FAM168B: variants seen among roughly 807,000 people sequenced by gnomAD.
The protein encoded by FAM168B is myelin-associated neurite-outgrowth inhibitor.
FAM168B carries 19 observed loss-of-function variants against 21.8 expected under a neutral mutation model. The observed-to-expected ratio is 0.87, with a 90% CI of 0.61 to 1.28. The LOEUF (loss-of-function observed/expected upper bound fraction) is 1.28, where lower values mean the gene tolerates loss of function less well. Ranked by LOEUF, FAM168B falls within the 50% of genes most tolerant of loss-of-function variation. The pLI is 0.00. For synonymous variants in FAM168B, 126 were observed against 104.8 expected (o/e 1.20, Z -1.24); for missense variants, 233 against 263.1 (o/e 0.89, Z 0.79).
rs1691420441 is a variant in FAM168B at position 131,048,347 on chromosome 2, T to A, written c.*4118A>T. The stretch of plus-strand genomic sequence containing the variant: ...CACAGGGACTCATGGGCACAGCCTG[T>A]GGTGAGGAGGAGACACCTGTCATGC... On this transcript the variant is annotated 3_prime_UTR_variant, in exon 7 of 7. Coordinates refer to ENST00000389915, the MANE Select transcript of FAM168B (RefSeq NM_001009993.4). 3 of 1,301,086 alleles carry A rather than the reference T, an allele frequency of 2.3e-6. No homozygotes were observed. In the African/African-American group the frequency reaches 4.6e-5, roughly 20 times the overall value. The allele number at this position is 1,301,086 out of a possible 1,614,324, so 80.6% of individuals were successfully genotyped here.
rs1170546532 is a variant in FAM168B at position 131,081,652 on chromosome 2, G to A, written c.70+925C>T. Among the ~76,000 whole-genome samples the A allele has an allele frequency of 2.6e-5, 4 of 152,140 alleles. No individual in the cohort carries two copies. In the South Asian group the frequency reaches 8.3e-4, roughly 31 times the overall value. On this transcript the variant is annotated intron_variant, in intron 2 of 6. Transcript: ENST00000389915. ...TATCACCCTCCAGAGGGACGAGAAT[G>A]ACTGATAAGAAGTCTCACTCTCATT...
At chr2:131,088,131 A>G (rs2105596345) in intron 1 of FAM168B, among the ~76,000 whole-genome samples, 1 of 152,292 alleles carries the variant, frequency 6.6e-6, no homozygotes, top group East Asian at 1.9e-4. Flanking sequence ...CTGTAATCCC[A>G]GCTACTCGGG....
intron 3 of FAM168B, among the ~76,000 whole-genome samples, chr2:131,064,661 T>A (rs1446720820): frequency 6.6e-6 from 1 of 152,050 alleles, no homozygotes; most frequent in Non-Finnish European, 1.5e-5. Flanking sequence ...AGGTGGTTAC[T>A]GAAGAAAATC....
At chr2:131,055,510 T>G in intron 4 of FAM168B, 43 bp downstream of exon 4, 1 of 1,596,894 alleles carries the variant, frequency 6.3e-7, no homozygotes, top group Non-Finnish European at 8.5e-7. Context: ...AACGCCCAGG[T>G]GGTATCACCC....
intron 5 of FAM168B, among the ~76,000 whole-genome samples, chr2:131,054,921 T>G (rs559299989): frequency 1.1e-4 from 17 of 152,094 alleles, no homozygotes; most frequent in African/African-American, 3.9e-4. Flanking sequence ...CAAGCTCCCC[T>G]CAAGGGAAAG....
At position 131,055,257 on chromosome 2, in the gene FAM168B, G is replaced by A; in HGVS notation, c.475+15C>T. 1 of 1,533,230 alleles carries A rather than the reference G, an allele frequency of 6.5e-7. No individual in the cohort carries two copies. Among genetic ancestry groups the A allele is most frequent in the East Asian group, 2.3e-5 (1 of 42,586 alleles). The allele number at this position is 1,533,230 out of a possible 1,614,324, so 95.0% of individuals were successfully genotyped here. ...GGTACACCATAGGACAGACACCGCAGGAACGAGGACTTACCTGCTGACATG... is the reference window on the plus strand; with the variant it reads ...GGTACACCATAGGACAGACACCGCAAGAACGAGGACTTACCTGCTGACATG... On this transcript the variant is annotated intron_variant, in intron 5 of 6. Coordinates refer to ENST00000389915, the MANE Select transcript of FAM168B (RefSeq NM_001009993.4).
At chr2:131,091,479 C>T (rs1282940902) in intron 1 of FAM168B, among the ~76,000 whole-genome samples, 2 of 151,400 alleles carry the variant, frequency 1.3e-5, no homozygotes, top group Admixed American at 6.6e-5. Flanking sequence ...AACCCCGTCT[C>T]TACTAAAAAT....
chr2:131,060,311 A>T (rs1189505940), intron 3 of FAM168B, among the ~76,000 whole-genome samples: 2 of 152,076 alleles, frequency 1.3e-5, no homozygotes, highest in East Asian at 3.9e-4. Flanking sequence ...AGCGTGAGCC[A>T]CCGCGCCCGG....
At chr2:131,082,942 C>G (rs546229732) in intron 1 of FAM168B, among the ~76,000 whole-genome samples, 1 of 152,246 alleles carries the variant, frequency 6.6e-6, no homozygotes, top group South Asian at 2.1e-4. Flanking sequence ...GGGGAAAGGC[C>G]AGGTACGGTG....
rs1213602298 is a variant in FAM168B, at chr2:131,049,749, C to A, written c.*2716G>T. On this transcript the variant is annotated 3_prime_UTR_variant, in exon 7 of 7. Coordinates refer to ENST00000389915, the MANE Select transcript of FAM168B (RefSeq NM_001009993.4). ...GAATAGTAATTCAGCTGAAGGACTCCCAAATTAGGAATGTCAAACACACAA... is the reference window on the plus strand; with the variant it reads ...GAATAGTAATTCAGCTGAAGGACTCACAAATTAGGAATGTCAAACACACAA... 3.0e-6 allele frequency: 3 copies of A among 985,698 alleles called. No individual in the cohort carries two copies. Among genetic ancestry groups the A allele is most frequent in the African/African-American group, 3.5e-5 (2 of 57,218 alleles). The allele number at this position is 985,698 out of a possible 1,614,324, so 61.1% of individuals were successfully genotyped here.
chr2:131,074,916 C>T (rs1451531904), intron 2 of FAM168B, among the ~76,000 whole-genome samples: 8 of 152,180 alleles, frequency 5.3e-5, no homozygotes, highest in African/African-American at 1.9e-4. Flanking sequence ...GCCCTAGCCC[C>T]AGAATCCCTC....
Position 131,049,249 on chromosome 2 carries a change from G to C in FAM168B, c.*3216C>G. ...CACAGCCAGATGATGCCACCAGAAAGAGCAAGGTACTGTATGCCCAGCTGG... is the reference window on the plus strand; with the variant it reads ...CACAGCCAGATGATGCCACCAGAAACAGCAAGGTACTGTATGCCCAGCTGG... On this transcript the variant is annotated 3_prime_UTR_variant, in exon 7 of 7. Coordinates refer to ENST00000389915, the MANE Select transcript of FAM168B (RefSeq NM_001009993.4). 1 of 985,420 alleles carries C rather than the reference G, an allele frequency of 1.0e-6. No individual in the cohort carries two copies. The highest frequency in any genetic ancestry group is 1.2e-6 in the Non-Finnish European group (1 of 829,978). 61.0% of individuals were successfully genotyped at this position (985,420 alleles called of 1,614,324 possible). A position where few individuals can be genotyped will look rare whatever the true frequency, so the allele number is the denominator to read the frequency against.
intron 1 of FAM168B, among the ~76,000 whole-genome samples, chr2:131,086,840 C>T (rs552284265): frequency 4.2e-5 from 4 of 94,834 alleles, no homozygotes; most frequent in African/African-American, 2.6e-4. Context: ...CCGAGGCGGG[C>T]GGATCACGAG....
chr2:131,065,623 C>T (rs1387476186), intron 3 of FAM168B, among the ~76,000 whole-genome samples: 2 of 151,842 alleles, frequency 1.3e-5, no homozygotes, highest in Non-Finnish European at 1.5e-5. Flanking sequence ...AACCCCGTCT[C>T]TACTAACAAT....
intron 2 of FAM168B, 143 bp from the exon 3 acceptor site, chr2:131,072,081 G>A: frequency 3.0e-6 from 2 of 666,020 alleles, no homozygotes; most frequent in South Asian, 3.4e-5. Flanking sequence ...GTGGCCAACA[G>A]CATGTCTCTA....
Position 131,050,473 on chromosome 2 carries a change from G to C in FAM168B, c.*1992C>G. ...AGACTTGAAGAAAGGGGCACAAACT[G>C]TGTGCCTGCGGTAAATGTCTGCCCC... On this transcript the variant is annotated 3_prime_UTR_variant, in exon 7 of 7. Transcript: ENST00000389915. 1.0e-6 allele frequency: 1 copy of C among 985,810 alleles called. No homozygotes were observed. Among genetic ancestry groups the C allele is most frequent in the Non-Finnish European group, 1.2e-6 (1 of 829,930 alleles). 61.1% of individuals were successfully genotyped at this position (985,810 alleles called of 1,614,324 possible). A position where few individuals can be genotyped will look rare whatever the true frequency, so the allele number is the denominator to read the frequency against.
intron 3 of FAM168B, among the ~76,000 whole-genome samples, chr2:131,062,921 C>T (rs1248557139): frequency 6.6e-6 from 1 of 152,174 alleles, no homozygotes; most frequent in Non-Finnish European, 1.5e-5. Context: ...AGGAACTAAA[C>T]AAATAATGAT....
chr2:131,062,700 G>A (rs1692365254), intron 3 of FAM168B, among the ~76,000 whole-genome samples: 1 of 152,012 alleles, frequency 6.6e-6, no homozygotes, highest in Non-Finnish European at 1.5e-5. Flanking sequence ...CACCCACCTC[G>A]GCCTCCCAAA....
In FAM168B at chr2:131,049,765, A is replaced by G; in HGVS notation, c.*2700T>C. On this transcript the variant is annotated 3_prime_UTR_variant, in exon 7 of 7. Coordinates refer to ENST00000389915, the MANE Select transcript of FAM168B (RefSeq NM_001009993.4). ...GAAGGACTCCCAAATTAGGAATGTC[A>G]AACACACAAAAAGCAAATTTCTCAG... The G allele has an allele frequency of 2.0e-6, 2 of 985,900 alleles. No homozygotes were observed. The highest frequency in any genetic ancestry group is 2.4e-6 in the Non-Finnish European group (2 of 829,940). The allele number at this position is 985,900 out of a possible 1,614,324, so 61.1% of individuals were successfully genotyped here. A position where few individuals can be genotyped will look rare whatever the true frequency, so the allele number is the denominator to read the frequency against.
Sources: gnomAD v4.1 joint callset for allele counts (sites outside exome capture counted in the v4.1 genomes callset) on GRCh38, gnomAD v4.1.1 for gene constraint, MANE v1.5 for transcripts, NCBI Gene and HGNC (gene_info 2026-07-23, HGNC 2026-07-21) for gene names.